KCNK9: variants seen among roughly 807,000 people sequenced by gnomAD.
KCNK9 encodes potassium two pore domain channel subfamily K member 9.
A neutral mutation model predicts 10.8 loss-of-function variants in KCNK9; 1 was observed. The observed-to-expected ratio is 0.09, with a 90% confidence interval of 0.03 to 0.44. The LOEUF is 0.44. Ranked by LOEUF, KCNK9 falls within the 20% of genes least tolerant of loss-of-function variation. The pLI, the probability that KCNK9 is intolerant of heterozygous loss-of-function variation, is 0.97. For synonymous variants in KCNK9, 231 were observed against 222.7 expected (o/e 1.04, Z -0.33); for missense variants, 303 against 515.0 (o/e 0.59, Z 3.98).
chr8:139,654,822 T>C (rs577479737), intron 1 of KCNK9, among the ~76,000 whole-genome samples: 4 of 152,176 alleles, frequency 2.6e-5, no homozygotes, highest in Non-Finnish European at 5.9e-5. Context: ...AGAGCCCCTG[T>C]GGCATCAGCT....
At chr8:139,696,010 C>G (rs1407015079) in intron 1 of KCNK9, among the ~76,000 whole-genome samples, 1 of 152,156 alleles carries the variant, frequency 6.6e-6, no homozygotes. Context: ...TCTAAGCCCC[C>G]CACGTTCCAG....
chr8:139,695,343 A>T (rs966415985), intron 1 of KCNK9, among the ~76,000 whole-genome samples: 1 of 152,222 alleles, frequency 6.6e-6, no homozygotes, highest in African/African-American at 2.4e-5. Context: ...GAAAGCACAT[A>T]CAGGCTAAAA....
chr8:139,699,790 C>T (rs1236625614), intron 1 of KCNK9, among the ~76,000 whole-genome samples: 1 of 152,158 alleles, frequency 6.6e-6, no homozygotes, highest in African/African-American at 2.4e-5. Context: ...TAATTACATA[C>T]GTTTTAAAAA....
intron 1 of KCNK9, among the ~76,000 whole-genome samples, chr8:139,665,634 G>T (rs115112385): frequency 8.0e-4 from 122 of 152,322 alleles, no homozygotes; most frequent in African/African-American, 2.9e-3. Flanking sequence ...CTTCACAGGT[G>T]TTCTGTGGAC....
chr8:139,629,546 T>C (rs1005573997), intron 1 of KCNK9, among the ~76,000 whole-genome samples: 1 of 152,186 alleles, frequency 6.6e-6, no homozygotes, highest in Non-Finnish European at 1.5e-5. Context: ...CTGACGGGCA[T>C]TACAGTGCAG....
chr8:139,602,312 G>A (rs773572002), intron 2 of KCNK9, among the ~76,000 whole-genome samples: 25 of 152,170 alleles, frequency 1.6e-4, no homozygotes, highest in Non-Finnish European at 3.4e-4. Flanking sequence ...CCAGTGTTCC[G>A]GGGAAAACGG....
At chr8:139,665,177 A>G (rs1430261742) in intron 1 of KCNK9, among the ~76,000 whole-genome samples, 3 of 152,204 alleles carry the variant, frequency 2.0e-5, no homozygotes, top group African/African-American at 7.2e-5. Context: ...GAAGCTAAAA[A>G]TCAAGGGGTC....
At chr8:139,692,822 G>A (rs1216095796) in intron 1 of KCNK9, among the ~76,000 whole-genome samples, 1 of 152,150 alleles carries the variant, frequency 6.6e-6, no homozygotes, top group Non-Finnish European at 1.5e-5. Flanking sequence ...TGAGTGGCCT[G>A]GCACTGCCTG....
chr8:139,605,288 G>C (rs1817461146), intron 2 of KCNK9, among the ~76,000 whole-genome samples: 1 of 152,218 alleles, frequency 6.6e-6, no homozygotes, highest in Non-Finnish European at 1.5e-5. Flanking sequence ...TCTTGGTTTG[G>C]TTTGGTTTGC....
intron 1 of KCNK9, among the ~76,000 whole-genome samples, chr8:139,639,990 G>A (rs979986668): frequency 2.0e-5 from 3 of 152,164 alleles, no homozygotes; most frequent in Non-Finnish European, 4.4e-5. Context: ...GTGGGGGCCT[G>A]CCTGGTTCCC....
downstream of KCNK9, among the ~76,000 whole-genome samples, chr8:139,609,536 GC>G (rs762071313): frequency 1.3e-3 from 202 of 152,272 alleles, 1 homozygote; most frequent in Non-Finnish European, 8.2e-4. Context: ...GCAGGGGCAG[GC>G]CCCTCTCTCA....
chr8:139,685,327 C>T (rs1021332057), intron 1 of KCNK9, among the ~76,000 whole-genome samples: 1 of 152,064 alleles, frequency 6.6e-6, no homozygotes, highest in African/African-American at 2.4e-5. Context: ...TACATGTGCG[C>T]AACGTGCAGG....
At chr8:139,671,517 T>C (rs1320664766) in intron 1 of KCNK9, among the ~76,000 whole-genome samples, 1 of 137,810 alleles carries the variant, frequency 7.3e-6, no homozygotes, top group Non-Finnish European at 1.6e-5. Context: ...GTTTCTTTTT[T>C]TTTTTTTTTT....
At chr8:139,632,949 C>A (rs1366801638) in intron 1 of KCNK9, among the ~76,000 whole-genome samples, 1 of 152,172 alleles carries the variant, frequency 6.6e-6, no homozygotes, top group Non-Finnish European at 1.5e-5. Context: ...GACAGGCCCA[C>A]CCCGCTTATT....
At chr8:139,672,384 T>C (rs574070423) in intron 1 of KCNK9, among the ~76,000 whole-genome samples, 3 of 152,258 alleles carry the variant, frequency 2.0e-5, no homozygotes, top group Non-Finnish European at 4.4e-5. Context: ...GGGGCCCCTG[T>C]AACCTGTAAT....
intron 1 of KCNK9, among the ~76,000 whole-genome samples, chr8:139,640,426 C>T (rs1021671604): frequency 2.6e-5 from 4 of 152,188 alleles, no homozygotes; most frequent in Non-Finnish European, 4.4e-5. Context: ...CCACAGCCTG[C>T]GACACCCCAC....
chr8:139,662,827 G>C (rs1019547006), intron 1 of KCNK9, among the ~76,000 whole-genome samples: 39 of 147,964 alleles, frequency 2.6e-4, no homozygotes, highest in African/African-American at 9.4e-4. Flanking sequence ...GACAGGGGAG[G>C]GGGGTCAGGG....
intron 1 of KCNK9, among the ~76,000 whole-genome samples, chr8:139,679,901 C>T (rs989684884): frequency 2.6e-5 from 4 of 152,206 alleles, no homozygotes; most frequent in African/African-American, 9.7e-5. Flanking sequence ...TTCCCTCAGC[C>T]TGGGTGCCTT....
chr8:139,648,782 G>T (rs547778712), intron 1 of KCNK9, among the ~76,000 whole-genome samples: 1 of 152,358 alleles, frequency 6.6e-6, no homozygotes, highest in South Asian at 2.1e-4. Flanking sequence ...CTGGCACTGG[G>T]TAGCACCGGA....
Sources: gnomAD v4.1 joint callset for allele counts (sites outside exome capture counted in the v4.1 genomes callset) on GRCh38, gnomAD v4.1.1 for gene constraint, MANE v1.5 for transcripts, NCBI Gene and HGNC (gene_info 2026-07-23, HGNC 2026-07-21) for gene names.